KAT2A: variants seen among roughly 807,000 people sequenced by gnomAD.
KAT2A encodes histone acetyltransferase KAT2A.
KAT2A carries 42 observed loss-of-function variants against 95.2 expected under a neutral mutation model. The observed-to-expected ratio is 0.44, with a 90% CI of 0.34 to 0.57. KAT2A has a LOEUF of 0.57. KAT2A is among the 20% of genes least tolerant of loss of function. The probability of loss-of-function intolerance (pLI) is 0.01; values close to 1 mark genes in which losing one functional copy is unlikely to be tolerated. For missense variants in KAT2A, 784 were observed against 1,126.3 expected (o/e 0.70, Z 4.35); for synonymous variants, 449 against 448.2 (o/e 1.00, Z -0.02).
intron 1 of KAT2A, 57 bp from the exon 2 acceptor site, chr17:42,120,886 A>G: frequency 6.4e-7 from 1 of 1,568,428 alleles, no homozygotes; most frequent in African/African-American, 1.3e-5. Flanking sequence ...GCCGCTCCGC[A>G]GCCAGAGCTT....
In KAT2A at chr17:42,114,150, C is replaced by G. The variant is rs574915212; in HGVS notation, c.2236-66G>C. 19 of 1,575,044 alleles carry G rather than the reference C, an allele frequency of 1.2e-5. No homozygotes were observed. The highest frequency in any genetic ancestry group is 1.6e-5 in the Non-Finnish European group (19 of 1,161,570). ...CACGCCAGCCCGAGACCACTACCCA[C>G]CCCACACTGCATCAAGAGGCCACAG... On this transcript the variant is annotated intron_variant, in intron 16 of 17. Coordinates refer to ENST00000225916, the MANE Select transcript of KAT2A (RefSeq NM_021078.3). This position sits in a 1 kb window ranked among gnomAD's most constrained non-coding sequence, Gnocchi z 6.0.
At position 42,119,870 on chromosome 17, in the gene KAT2A, T is replaced by A. The variant is rs2054311271; in HGVS notation, c.700-152A>T. On this transcript the variant is annotated intron_variant, in intron 4 of 17. Transcript: ENST00000225916. This position sits in a 1 kb window ranked among gnomAD's most constrained non-coding sequence, Gnocchi z 5.3. ...CTCTCTATAGAAAAGCTCTGCCCCCTCCCTACCACCATGCCCACCCTGAGG... is the reference window on the plus strand; with the variant it reads ...CTCTCTATAGAAAAGCTCTGCCCCCACCCTACCACCATGCCCACCCTGAGG... 2 of 964,650 alleles carry A rather than the reference T, an allele frequency of 2.1e-6. No individual in the cohort carries two copies. The highest frequency in any genetic ancestry group is 3.1e-6 in the Non-Finnish European group (2 of 639,778). 59.8% of individuals were successfully genotyped at this position (964,650 alleles called of 1,614,324 possible).
At position 42,114,266 on chromosome 17, in the gene KAT2A, G is replaced by A. The variant is rs1555665475; in HGVS notation, c.2188C>T (p.Pro730Ser). The A allele has an allele frequency of 6.3e-7, 1 of 1,596,256 alleles. No individual in the cohort carries two copies. Among genetic ancestry groups the A allele is most frequent in the Non-Finnish European group, 8.5e-7 (1 of 1,170,122 alleles). Residue 730 changes from proline (P) to serine (S), a missense_variant, in exon 16 of 18, where the codon CCC (proline) becomes TCC (serine). Transcript: ENST00000225916. The surrounding 1 kb of genome is among the most constrained non-coding windows in gnomAD (Gnocchi z 6.0). ...TTGAGGGTTGTGTAGAGCTGGTCGGGGTCCTTCAGCTCCTTCCTGGGGCGA... is the reference window on the plus strand; with the variant it reads ...TTGAGGGTTGTGTAGAGCTGGTCGGAGTCCTTCAGCTCCTTCCTGGGGCGA... ...GKEKGKELKD[P>S]DQLYTTLKNL...
chr17:42,120,983 C>T lies in KAT2A; in HGVS notation c.322G>A (p.Val108Ile), dbSNP rs1034594421. The T allele has an allele frequency of 4.6e-5, 73 of 1,588,356 alleles. No homozygotes were observed. In the Admixed American group the frequency reaches 5.7e-4, roughly 12 times the overall value. ...PRAKKLEKLG[V>I]FSACKANETC... ...GCCCCCACCTTGCAAGCCGAGAAGA[C>T]CCCTAGCTTCTCAAGCTTCTTGGCG... The change falls in exon 1 of 18, where the codon GTC becomes ATC. Residue 108 changes from valine (V) to isoleucine (I), a missense_variant. By Grantham distance (29) the Val-to-Ile change is conservative. Coordinates refer to ENST00000225916, the MANE Select transcript of KAT2A (RefSeq NM_021078.3).
chr17:42,121,116 G>A lies in KAT2A; in HGVS notation c.189C>T (p.Pro63=), dbSNP rs1216118829. The A allele has an allele frequency of 8.6e-6, 13 of 1,516,226 alleles. No individual in the cohort carries two copies. In the African/African-American group the frequency reaches 9.6e-5, roughly 11 times the overall value. The allele number at this position is 1,516,226 out of a possible 1,614,324, so 93.9% of individuals were successfully genotyped here. The part of the protein sequence containing the change: ...APAGSTGTGG[P]GVGSGGAGSG... ...TCCCGGCCCCCCCACTTCCTACCCC[G>A]GGCCCCCCAGTCCCTGTGCTGCCGG... is the stretch of plus-strand genomic sequence containing the variant. Residue 63 remains proline (P), a synonymous_variant, in exon 1 of 18, where the codon CCC becomes CCT. Coordinates refer to ENST00000225916, the MANE Select transcript of KAT2A (RefSeq NM_021078.3).
Position 42,120,577 on chromosome 17 carries a change from C to G in KAT2A, c.463+129G>C, listed in dbSNP as rs545971081. The G allele has an allele frequency of 3.6e-4, 444 of 1,230,004 alleles. 8 individuals are homozygous for G. The East Asian group carries it at 8.3e-3, about 23-fold the overall frequency. The allele number at this position is 1,230,004 out of a possible 1,614,324, so 76.2% of individuals were successfully genotyped here. On this transcript the variant is annotated intron_variant, in intron 2 of 17. Coordinates refer to ENST00000225916, the MANE Select transcript of KAT2A (RefSeq NM_021078.3). ...CCTTTCTCCCCCCTTGGTGCACACC[C>G]CCCCCCAACCCAATCCCTCCTTCGA...
chr17:42,114,292 G>C lies in KAT2A; in HGVS notation c.2172-10C>G. 1 of 1,612,812 alleles carries C rather than the reference G, an allele frequency of 6.2e-7. No homozygotes were observed. Among genetic ancestry groups the C allele is most frequent in the Non-Finnish European group, 8.5e-7 (1 of 1,179,108 alleles). On this transcript the variant is annotated splice_polypyrimidine_tract_variant and intron_variant, in intron 15 of 17. Coordinates refer to ENST00000225916, the MANE Select transcript of KAT2A (RefSeq NM_021078.3). The surrounding 1 kb of genome is among the most constrained non-coding windows in gnomAD (Gnocchi z 6.0). Reference sequence around the variant, plus strand: ...GTCCTTCAGCTCCTTCCTGGGGCGAGAGACACCAAGTCTGAGGCTCCAAGT... The same window carrying C: ...GTCCTTCAGCTCCTTCCTGGGGCGACAGACACCAAGTCTGAGGCTCCAAGT...
chr17:42,121,059 G>T lies in KAT2A; in HGVS notation c.246C>A (p.Ser82Arg). Residue 82 changes from serine to arginine, a missense_variant, in exon 1 of 18, where the codon AGC becomes AGA. Ser to Arg is a moderately radical substitution (Grantham distance 110). Around this residue, in one of 6 missense-constraint regions of KAT2A, gnomAD observed 142 missense variants for 123.2 expected, o/e 1.15. Coordinates refer to ENST00000225916, the MANE Select transcript of KAT2A (RefSeq NM_021078.3). ...TCCTCTGACTGGCGCGCTGCTGCTG[G>T]CTCAGGCCAGGTCGAGCCGGATCCC... ...SGGDPARPGL[S>R]QQQRASQRKA... 1 of 1,580,426 alleles carries T rather than the reference G, an allele frequency of 6.3e-7. No individual in the cohort carries two copies. Among genetic ancestry groups the T allele is most frequent in the Non-Finnish European group, 8.6e-7 (1 of 1,165,708 alleles).
At position 42,120,267 on chromosome 17, in the gene KAT2A, T is replaced by C. The variant is rs781897355; in HGVS notation, c.567A>G (p.Glu189=). Residue 189 remains glutamate, a synonymous_variant, in exon 3 of 18, where the codon GAA becomes GAG. Coordinates refer to ENST00000225916, the MANE Select transcript of KAT2A (RefSeq NM_021078.3). ...AGACCTGCTTGGTGTCTGTGTCCTC[T>C]TCCTTGTGAACAGACATGAAGAGAT... ...VENLFMSVHK[E]EDTDTKQVYF... 2.5e-6 allele frequency: 4 copies of C among 1,614,180 alleles called. No homozygotes were observed. Among genetic ancestry groups the C allele is most frequent in the Non-Finnish European group, 3.4e-6 (4 of 1,180,010 alleles).
At position 42,118,120 on chromosome 17, in the gene KAT2A, C is replaced by T. The variant is rs1463342078; in HGVS notation, c.1181-103G>A. On this transcript the variant is annotated intron_variant, in intron 7 of 17. Coordinates refer to ENST00000225916, the MANE Select transcript of KAT2A (RefSeq NM_021078.3). ...AGCTGAGGAGAGAGAGAGTCAGGGA[C>T]GGGGGTGCTGAAGCTGAGGAGAGAG... 37 of 686,566 alleles carry T rather than the reference C, an allele frequency of 5.4e-5. 2 individuals are homozygous for T. Among genetic ancestry groups the T allele is most frequent in the South Asian group, 3.5e-4 (17 of 47,890 alleles). The allele number at this position is 686,566 out of a possible 1,614,324, so 42.5% of individuals were successfully genotyped here.
intron 1 of KAT2A, 57 bp downstream of exon 1, chr17:42,120,909 C>A: frequency 6.4e-7 from 1 of 1,555,950 alleles, no homozygotes; most frequent in East Asian, 2.4e-5. Context: ...ACCCCATTCC[C>A]ACCAGAGCCC....
chr17:42,118,425 T>A, intron 6 of KAT2A, 22 bp from the exon 7 acceptor site: 1 of 1,524,712 alleles, frequency 6.6e-7, no homozygotes, highest in Non-Finnish European at 9.1e-7. Flanking sequence ...ACACAGTCTG[T>A]CCCACAACTC....
chr17:42,118,025 G>C lies in KAT2A; in HGVS notation c.1181-8C>G. 2 of 1,435,536 alleles carry C rather than the reference G, an allele frequency of 1.4e-6. No homozygotes were observed. The highest frequency in any genetic ancestry group is 1.9e-6 in the Non-Finnish European group (2 of 1,059,966). 88.9% of individuals were successfully genotyped at this position (1,435,536 alleles called of 1,614,324 possible). A position where few individuals can be genotyped will look rare whatever the true frequency, so the allele number is the denominator to read the frequency against. ...CCGCTGCACTGACTGAAGCTGAGGAGAGAGAGAGACGTCAGGGATGGGGGG... is the reference window on the plus strand; with the variant it reads ...CCGCTGCACTGACTGAAGCTGAGGACAGAGAGAGACGTCAGGGATGGGGGG... On this transcript the variant is annotated splice_polypyrimidine_tract_variant and splice_region_variant and intron_variant, in intron 7 of 17. Transcript: ENST00000225916.
chr17:42,117,729 G>T lies in KAT2A; in HGVS notation c.1377C>A (p.Val459=). ...CAGTGATGGTCAGCATGACCTCATT[G>T]ACCAGCTCCATGGGGATGTCACCCA... ...RVMGDIPMEL[V]NEVMLTITDP... is the part of the protein sequence containing the mutation. Residue 459 remains valine, a synonymous_variant, in exon 9 of 18, where the codon GTC becomes GTA. Transcript: ENST00000225916. This position sits in a 1 kb window ranked among gnomAD's most constrained non-coding sequence, Gnocchi z 8.9. The T allele has an allele frequency of 6.2e-7, 1 of 1,613,808 alleles. No individual in the cohort carries two copies. Among genetic ancestry groups the T allele is most frequent in the South Asian group, 1.1e-5 (1 of 91,054 alleles).
In KAT2A at chr17:42,114,778, T is replaced by C; in HGVS notation, c.2019+114A>G. On this transcript the variant is annotated intron_variant, in intron 13 of 17. Coordinates refer to ENST00000225916, the MANE Select transcript of KAT2A (RefSeq NM_021078.3). This position sits in a 1 kb window ranked among gnomAD's most constrained non-coding sequence, Gnocchi z 6.0. ...AAGAGCCAAGATCCTGGCCTGCCCC[T>C]CCTCACTCACACACATATATGCATG... The C allele has an allele frequency of 1.6e-6, 2 of 1,278,458 alleles. No individual in the cohort carries two copies. Among genetic ancestry groups the C allele is most frequent in the Non-Finnish European group, 2.2e-6 (2 of 894,626 alleles). The allele number at this position is 1,278,458 out of a possible 1,614,324, so 79.2% of individuals were successfully genotyped here. A position where few individuals can be genotyped will look rare whatever the true frequency, so the allele number is the denominator to read the frequency against.
At chr17:42,115,992 G>A (rs1266525963) in intron 11 of KAT2A, among the ~76,000 whole-genome samples, 159 bp from the exon 12 acceptor site, 4 of 152,218 alleles carry the variant, frequency 2.6e-5, no homozygotes, top group South Asian at 4.1e-4. Flanking sequence ...AGGAAGGGGA[G>A]CTTATGGGGA....
At position 42,121,088 on chromosome 17, in the gene KAT2A, C is replaced by G. The variant is rs782398147; in HGVS notation, c.217G>C (p.Gly73Arg). 6.5e-7 allele frequency: 1 copy of G among 1,547,114 alleles called. No individual in the cohort carries two copies. The highest frequency in any genetic ancestry group is 8.7e-7 in the Non-Finnish European group (1 of 1,148,822). ...PGVGSGGAGS[G>R]GDPARPGLSQ... The stretch of plus-strand genomic sequence containing the variant: ...AGGCCAGGTCGAGCCGGATCCCCCC[C>G]GCTCCCGGCCCCCCCACTTCCTACC... Residue 73 changes from glycine (G) to arginine (R), a missense_variant, in exon 1 of 18, where the codon GGG becomes CGG. Physicochemically the swap from Gly to Arg is moderately radical, Grantham distance 125. Transcript: ENST00000225916.
At position 42,113,779 on chromosome 17, in the gene KAT2A, G is replaced by T; in HGVS notation, c.2384C>A (p.Ala795Asp). 1 of 1,609,372 alleles carries T rather than the reference G, an allele frequency of 6.2e-7. No individual in the cohort carries two copies. The highest frequency in any genetic ancestry group is 8.5e-7 in the Non-Finnish European group (1 of 1,178,410). The change falls in exon 18 of 18, where the codon GCC becomes GAC. Residue 795 changes from alanine to aspartate, a missense_variant. Around this residue, in one of 6 missense-constraint regions of KAT2A, gnomAD observed 195 missense variants for 247.1 expected, o/e 0.79. Transcript: ENST00000225916. ...GTTGGCGATGACCCGCTGCAGGTCG[G>T]CCACAAAGAGCTTCCGGGTCACGTA... is the stretch of plus-strand genomic sequence containing the variant. ...RYYVTRKLFV[A>D]DLQRVIANCR...
rs147312706 is a variant in KAT2A at position 42,119,117 on chromosome 17, C to T, written c.1073+128G>A. On this transcript the variant is annotated intron_variant, in intron 6 of 17. Coordinates refer to ENST00000225916, the MANE Select transcript of KAT2A (RefSeq NM_021078.3). This position sits in a 1 kb window ranked among gnomAD's most constrained non-coding sequence, Gnocchi z 5.3. The stretch of plus-strand genomic sequence containing the variant: ...GCCATGGGCAAGTCTGCCAGGTAGA[C>T]GCCCAGATCCCAAAAGGCCCATGGA... 3,368 of 1,501,478 alleles carry T rather than the reference C, an allele frequency of 2.2e-3. 5 individuals are homozygous for T. Among genetic ancestry groups the T allele is most frequent in the Non-Finnish European group, 2.6e-3 (2,985 of 1,126,818 alleles). 93.0% of individuals were successfully genotyped at this position (1,501,478 alleles called of 1,614,324 possible).
Sources: allele counts gnomAD v4.1 joint callset (sites outside exome capture counted in the v4.1 genomes callset), GRCh38; gene constraint gnomAD v4.1.1; regional missense constraint gnomAD v4.1.1; non-coding constraint Gnocchi (gnomAD v3.1); transcripts MANE v1.5; gene names NCBI Gene and HGNC (gene_info 2026-07-23, HGNC 2026-07-21).